Variants in CENPN observed in about 807,000 individuals in gnomAD.
The protein encoded by CENPN is interphase centromere complex protein 32.
Under a neutral mutation model 48.6 loss-of-function variants are expected in CENPN, and 36 were observed. That is an observed-to-expected ratio of 0.74 (90% CI 0.57 to 0.98). The LOEUF is 0.98. Ranked by LOEUF, CENPN falls within the 50% of genes least tolerant of loss-of-function variation. The probability of loss-of-function intolerance (pLI) is 0.00; values close to 1 mark genes in which losing one functional copy is unlikely to be tolerated. For synonymous variants in CENPN, 166 were observed against 135.2 expected, an observed-to-expected ratio of 1.23 and a Z score of -1.58; for missense variants, 439 against 399.2, an observed-to-expected ratio of 1.10 and a Z score of -0.85.
At chr16:81,016,404 A>G (rs1969934187) in intron 3 of CENPN, among the ~76,000 whole-genome samples, 1 of 152,232 alleles carries the variant, frequency 6.6e-6, no homozygotes, top group African/African-American at 2.4e-5. Flanking sequence ...TACAACAGTG[A>G]ACAGGTCCCT....
chr16:81,017,279 C>T lies in CENPN; in HGVS notation c.218-47C>T, dbSNP rs778922505. ...AGAAATATCTATAAGCATATTACTT[C>T]AAAGTTCTATGATATGCTAGTAATA... On this transcript the variant is annotated intron_variant, in intron 3 of 10. Coordinates refer to ENST00000305850, the MANE Select transcript of CENPN (RefSeq NM_001100624.3). The T allele has an allele frequency of 2.3e-6, 3 of 1,278,172 alleles. No homozygotes were observed. The South Asian group carries it at 3.7e-5, about 16-fold the overall frequency. 79.2% of individuals were successfully genotyped at this position (1,278,172 alleles called of 1,614,324 possible).
chr16:81,016,925 G>A (rs1304479928), intron 3 of CENPN: 2 of 225,818 alleles, frequency 8.9e-6, no homozygotes, highest in African/African-American at 2.4e-5. Context: ...GAGGTGGGGA[G>A]TAGGGTGTGT....
intron 1 of CENPN, among the ~76,000 whole-genome samples, chr16:81,007,719 C>A (rs762338444): frequency 1.3e-5 from 2 of 152,166 alleles, no homozygotes; most frequent in Non-Finnish European, 2.9e-5. Context: ...GCTACGGGAA[C>A]GTTACTTAAA....
intron 5 of CENPN, 62 bp downstream of exon 5, chr16:81,017,896 T>G: frequency 1.0e-6 from 1 of 976,206 alleles, no homozygotes; most frequent in Non-Finnish European, 1.6e-6. Flanking sequence ...CACTTAAAAT[T>G]TGCTACTATC....
At chr16:81,012,589 A>C (rs1969788333) in intron 2 of CENPN, among the ~76,000 whole-genome samples, 1 of 152,004 alleles carries the variant, frequency 6.6e-6, no homozygotes, top group Non-Finnish European at 1.5e-5. Flanking sequence ...CTTCACTTTT[A>C]TTTATTTATT....
At chr16:81,026,413 A>G (rs1433916764) in intron 8 of CENPN, 113 bp from the exon 9 acceptor site, 1 of 467,232 alleles carries the variant, frequency 2.1e-6, no homozygotes, top group Non-Finnish European at 3.8e-6. Context: ...AGAAGCAGTA[A>G]ATATTATTTT....
chr16:81,032,786 C>T, downstream of CENPN: 1 of 1,324,212 alleles, frequency 7.6e-7, no homozygotes, highest in Non-Finnish European at 1.0e-6. Flanking sequence ...CTAATGCAGG[C>T]CTCCTTGTTA....
chr16:81,022,172 G>A (rs929078860), intron 6 of CENPN: 2 of 180,712 alleles, frequency 1.1e-5, no homozygotes, highest in Non-Finnish European at 2.3e-5. Context: ...CTAATGACAG[G>A]AAACTCTTAT....
chr16:81,021,586 T>A (rs897494739), intron 6 of CENPN, among the ~76,000 whole-genome samples: 1 of 152,104 alleles, frequency 6.6e-6, no homozygotes, highest in Non-Finnish European at 1.5e-5. Context: ...CATTTAAGTT[T>A]TTTGGTGGTT....
chr16:81,015,106 GTAT>G (rs575079688), intron 3 of CENPN, among the ~76,000 whole-genome samples: 362 of 152,344 alleles, frequency 2.4e-3, no homozygotes, highest in Non-Finnish European at 3.9e-3. Flanking sequence ...AGAAGCATCT[GTAT>G]TATTATTAAA....
rs1970637923 is a variant in CENPN at position 81,028,867 on chromosome 16, A to C, written c.*216A>C. ...TCCTGCTAACTGTAGCCGTTGTGGC[A>C]TTTGAGATGACAGGACATATATATA... On this transcript the variant is annotated 3_prime_UTR_variant, in exon 11 of 11. Transcript: ENST00000305850. The C allele has an allele frequency of 2.3e-6, 3 of 1,308,988 alleles. No homozygotes were observed. The highest frequency in any genetic ancestry group is 2.9e-6 in the Non-Finnish European group (3 of 1,031,762). The allele number at this position is 1,308,988 out of a possible 1,614,324, so 81.1% of individuals were successfully genotyped here.
intron 4 of CENPN, 40 bp from the exon 5 acceptor site, chr16:81,017,718 G>C: frequency 1.5e-6 from 2 of 1,369,370 alleles, no homozygotes; most frequent in African/African-American, 1.5e-5. Context: ...AGACATTGTA[G>C]CTCCCTTGAT....
At chr16:81,016,680 T>G in intron 3 of CENPN, 1 of 152,414 alleles carries the variant, frequency 6.6e-6, no homozygotes, top group East Asian at 1.9e-4. Flanking sequence ...GAGAATCGGT[T>G]GAACCCGGGA....
chr16:81,032,208 A>T (rs1418922336), downstream of CENPN, among the ~76,000 whole-genome samples: 1 of 152,078 alleles, frequency 6.6e-6, no homozygotes, highest in Non-Finnish European at 1.5e-5. Flanking sequence ...TTCAAATCTC[A>T]TTATCTATCA....
intron 2 of CENPN, 81 bp downstream of exon 2, chr16:81,012,191 G>C: frequency 7.9e-7 from 1 of 1,260,592 alleles, no homozygotes; most frequent in African/African-American, 1.5e-5. Flanking sequence ...TACTCCAAAA[G>C]AGATGTAAGG....
intron 2 of CENPN, 43 bp downstream of exon 2, chr16:81,012,153 C>A (rs778618286): frequency 1.3e-6 from 2 of 1,566,756 alleles, no homozygotes; most frequent in Admixed American, 1.8e-5. Flanking sequence ...GAGTGCTACC[C>A]CCTTGGGTTT....
chr16:81,008,568 C>T (rs1969588801), intron 1 of CENPN, among the ~76,000 whole-genome samples: 1 of 152,122 alleles, frequency 6.6e-6, no homozygotes. Flanking sequence ...GACGGAGTTT[C>T]ACCATGTTGG....
At position 81,028,798 on chromosome 16, in the gene CENPN, T is replaced by G. The variant is rs1970633155; in HGVS notation, c.*147T>G. The G allele has an allele frequency of 1.4e-6, 2 of 1,423,872 alleles. No individual in the cohort carries two copies. Among genetic ancestry groups the G allele is most frequent in the Admixed American group, 3.1e-5 (1 of 31,770 alleles). The allele number at this position is 1,423,872 out of a possible 1,614,324, so 88.2% of individuals were successfully genotyped here. On this transcript the variant is annotated 3_prime_UTR_variant, in exon 11 of 11. Coordinates refer to ENST00000305850, the MANE Select transcript of CENPN (RefSeq NM_001100624.3). ...TTTTTAGAAATGCTCACATAATTGT[T>G]GGGACTGATTCATTCCTCCACGATA...
chr16:81,017,114 A>C (rs575606164), intron 3 of CENPN: 26 of 441,916 alleles, frequency 5.9e-5, no homozygotes, highest in Non-Finnish European at 9.6e-5. Context: ...CAACTGTATT[A>C]TCTAAGTCAG....
Sources: gnomAD v4.1 joint callset for allele counts (sites outside exome capture counted in the v4.1 genomes callset) on GRCh38, gnomAD v4.1.1 for gene constraint, MANE v1.5 for transcripts, NCBI Gene and HGNC (gene_info 2026-07-23, HGNC 2026-07-21) for gene names.